The following TRIM24 variants were observed in gnomAD, a reference collection of about 807,000 sequenced individuals.
TRIM24 encodes tripartite motif containing 24, also known as transcription intermediary factor 1-alpha.
Under a neutral mutation model 123.9 loss-of-function variants are expected in TRIM24, and 29 were observed. The observed-to-expected ratio is 0.23, with a 90% CI of 0.17 to 0.32. TRIM24 has a LOEUF of 0.32. Ranked by LOEUF, TRIM24 falls within the 10% of genes least tolerant of loss-of-function variation. The pLI, the probability that TRIM24 is intolerant of heterozygous loss-of-function variation, is 1.00. For synonymous variants in TRIM24, 456 were observed against 461.1 expected (o/e 0.99, Z 0.14); for missense variants, 932 against 1,295.3 (o/e 0.72, Z 4.31).
chr7:138,539,293 T>G (rs1212901274), intron 7 of TRIM24, among the ~76,000 whole-genome samples: 1 of 151,964 alleles, frequency 6.6e-6, no homozygotes, highest in South Asian at 2.1e-4. Flanking sequence ...GCCTGTGTTC[T>G]TCTTCTTGGT....
chr7:138,463,451 C>T (rs528570657), intron 1 of TRIM24, among the ~76,000 whole-genome samples: 20 of 151,204 alleles, frequency 1.3e-4, no homozygotes, highest in South Asian at 1.0e-3. Context: ...AGGCTGGTCT[C>T]GAACTTCTGA....
chr7:138,474,605 C>T (rs927603008), intron 1 of TRIM24, among the ~76,000 whole-genome samples: 1 of 152,110 alleles, frequency 6.6e-6, no homozygotes, highest in Non-Finnish European at 1.5e-5. Context: ...ACATTTAGGT[C>T]TATGATCCAT....
intron 1 of TRIM24, among the ~76,000 whole-genome samples, chr7:138,472,325 A>G (rs147698997): frequency 1.2e-4 from 19 of 152,208 alleles, no homozygotes; most frequent in Non-Finnish European, 2.4e-4. Flanking sequence ...GCTTCTGAGA[A>G]AGCAGAAAGG....
Position 138,568,379 on chromosome 7 carries a change from C to CTTTTTTTTTTTTTT in TRIM24, c.1704+742_1704+755dup, listed in dbSNP as rs60386130. Reference sequence around the variant, plus strand: ...CTCGTAAGCCACCGTACCTGGCCTCCTTTTTTTTTTTTTTTTTTTTTTTTT... The same window carrying CTTTTTTTTTTTTTT: ...CTCGTAAGCCACCGTACCTGGCCTCCTTTTTTTTTTTTTTTTTTTTTTTTTTTTTTTTTTTTTTT... On this transcript the variant is annotated intron_variant, in intron 10 of 18. Transcript: ENST00000343526. Among the ~76,000 whole-genome samples the CTTTTTTTTTTTTTT allele has an allele frequency of 8.7e-4, 60 of 68,704 alleles. 8 individuals carry two copies. Among genetic ancestry groups the CTTTTTTTTTTTTTT allele is most frequent in the East Asian group, 1.9e-3 (3 of 1,610 alleles). 45.1% of individuals were successfully genotyped at this position (68,704 alleles called of 152,430 possible).
At chr7:138,507,359 ATTTT>A (rs11301228) in intron 2 of TRIM24, among the ~76,000 whole-genome samples, 1 of 132,388 alleles carries the variant, frequency 7.6e-6, no homozygotes. Context: ...TTCATCTGTA[ATTTT>A]TTTTTTTTTT....
intron 1 of TRIM24, among the ~76,000 whole-genome samples, chr7:138,503,088 C>CTG (rs1796076462): frequency 6.6e-6 from 1 of 151,990 alleles, no homozygotes; most frequent in Non-Finnish European, 1.5e-5. Flanking sequence ...ATGAAAAGTT[C>CTG]ATCCCTTTTC....
At chr7:138,515,499 A>G in intron 3 of TRIM24, 140 bp downstream of exon 3, 1 of 1,042,618 alleles carries the variant, frequency 9.6e-7, no homozygotes, top group Non-Finnish European at 1.3e-6. Context: ...ATATTATCGA[A>G]ATTTAAGTAC....
chr7:138,538,284 T>C (rs1254217462), intron 6 of TRIM24, among the ~76,000 whole-genome samples: 1 of 152,242 alleles, frequency 6.6e-6, no homozygotes, highest in Admixed American at 6.5e-5. Context: ...GAGTAAATTA[T>C]GTGATAGAGT....
At chr7:138,469,425 C>T (rs1795222871) in intron 1 of TRIM24, among the ~76,000 whole-genome samples, 1 of 151,590 alleles carries the variant, frequency 6.6e-6, no homozygotes, top group South Asian at 2.1e-4. Flanking sequence ...TCTCCTGCGT[C>T]AGCCTCCCAA....
Position 138,529,246 on chromosome 7 carries a change from T to A in TRIM24, c.996+16T>A, listed in dbSNP as rs767387817. 1 of 1,286,420 alleles carries A rather than the reference T, an allele frequency of 7.8e-7. No homozygotes were observed. Among genetic ancestry groups the A allele is most frequent in the Non-Finnish European group, 1.1e-6 (1 of 934,758 alleles). 79.7% of individuals were successfully genotyped at this position (1,286,420 alleles called of 1,614,324 possible). ...TCAGTTAGAGGTAAGTGACTGCCCA[T>A]GGGATAGTATATTGATTCAACATAG... On this transcript the variant is annotated intron_variant, in intron 6 of 18. Transcript: ENST00000343526.
At chr7:138,559,738 C>T (rs1284203551) in intron 9 of TRIM24, among the ~76,000 whole-genome samples, 1 of 152,178 alleles carries the variant, frequency 6.6e-6, no homozygotes, top group East Asian at 1.9e-4. Flanking sequence ...CTGCTGGTTT[C>T]AGCTGACTGT....
chr7:138,581,784 G>A lies in TRIM24; in HGVS notation c.2793+13G>A, dbSNP rs574457955. ...TGTTCCTCTAACTGTAAGTATTAAT[G>A]TCATTTTCTGCATGTTTACACAGTG... On this transcript the variant is annotated intron_variant, in intron 17 of 18. Coordinates refer to ENST00000343526, the MANE Select transcript of TRIM24 (RefSeq NM_015905.3). 2 of 1,598,924 alleles carry A rather than the reference G, an allele frequency of 1.3e-6. No homozygotes were observed. Among genetic ancestry groups the A allele is most frequent in the Admixed American group, 3.4e-5 (2 of 59,450 alleles).
intron 6 of TRIM24, among the ~76,000 whole-genome samples, chr7:138,535,868 T>G (rs1455655834): frequency 6.6e-6 from 1 of 152,140 alleles, no homozygotes; most frequent in African/African-American, 2.4e-5. Context: ...AGACATAGAT[T>G]TGGTCTTTTC....
At chr7:138,563,296 C>A (rs191506031) in intron 9 of TRIM24, among the ~76,000 whole-genome samples, 68 of 152,248 alleles carry the variant, frequency 4.5e-4, no homozygotes, top group African/African-American at 1.6e-3. Flanking sequence ...TGTTTCATAG[C>A]CTCCGCCATT....
intron 2 of TRIM24, among the ~76,000 whole-genome samples, chr7:138,512,596 T>C (rs963074454): frequency 6.6e-6 from 1 of 152,162 alleles, no homozygotes; most frequent in African/African-American, 2.4e-5. Context: ...TGTGAAGCAG[T>C]GGCCTGAGCT....
At chr7:138,578,960 T>G (rs1205480591) in intron 14 of TRIM24, among the ~76,000 whole-genome samples, 4 of 151,960 alleles carry the variant, frequency 2.6e-5, no homozygotes, top group Non-Finnish European at 5.9e-5. Context: ...TGACTTCCAC[T>G]CTACCCAACC....
At chr7:138,579,157 T>C in intron 14 of TRIM24, 47 bp from the exon 15 acceptor site, 1 of 1,488,316 alleles carries the variant, frequency 6.7e-7, no homozygotes, top group Non-Finnish European at 9.0e-7. Context: ...GCATTAGTGA[T>C]AAAATTTTTT....
rs963806235 is a variant in TRIM24 at position 138,579,213 on chromosome 7, C to T, written c.2266C>T (p.Pro756Ser). 3 of 1,570,634 alleles carry T rather than the reference C, an allele frequency of 1.9e-6. No individual in the cohort carries two copies. Among genetic ancestry groups the T allele is most frequent in the Non-Finnish European group, 2.6e-6 (3 of 1,160,828 alleles). The change falls in exon 15 of 19, where the codon CCA becomes TCA. Residue 756 changes from proline (P) to serine (S), a missense_variant. Pro to Ser is a moderately conservative substitution (Grantham distance 74). Around this residue, in one of 7 missense-constraint regions of TRIM24, gnomAD observed 527 missense variants for 691.3 expected, o/e 0.76. Coordinates refer to ENST00000343526, the MANE Select transcript of TRIM24 (RefSeq NM_015905.3). Reference protein sequence around the residue: ...EESRPQNANYPRSILTSLLLN... With the variant: ...EESRPQNANYSRSILTSLLLN... ...TTTTTTTCTACTACAGGCCAATTAT[C>T]CAAGAAGCATACTCACCTCCCTGCT... is the stretch of plus-strand genomic sequence containing the variant.
chr7:138,583,346 G>A (rs997051468), intron 17 of TRIM24, among the ~76,000 whole-genome samples: 1 of 152,244 alleles, frequency 6.6e-6, no homozygotes, highest in Admixed American at 6.5e-5. Context: ...GGGGCTGGGT[G>A]CAGTGGCTCA....
Sources: gnomAD v4.1 joint callset for allele counts (sites outside exome capture counted in the v4.1 genomes callset) on GRCh38, gnomAD v4.1.1 for gene constraint, gnomAD v4.1.1 regional missense constraint, MANE v1.5 for transcripts, NCBI Gene and HGNC (gene_info 2026-07-23, HGNC 2026-07-21) for gene names.